The following CADM1 variants were observed in gnomAD, a reference collection of about 807,000 sequenced individuals.
The protein encoded by CADM1 is TSLC-1.
In CADM1, 15 loss-of-function variants were observed where a neutral mutation model predicts 53.1. That is an observed-to-expected ratio of 0.28 (90% confidence interval 0.19 to 0.44). The LOEUF is 0.44. Among genes scored for constraint, CADM1 ranks in the 20% least tolerant of loss-of-function variants. The probability of loss-of-function intolerance (pLI) is 1.00; values close to 1 mark genes in which losing one functional copy is unlikely to be tolerated. For missense variants in CADM1, 434 were observed against 611.3 expected, an observed-to-expected ratio of 0.71 and a Z score of 3.06; for synonymous variants, 281 against 243.0, an observed-to-expected ratio of 1.16 and a Z score of -1.45.
chr11:115,221,975 C>G (rs1941424249), intron 5 of CADM1, among the ~76,000 whole-genome samples: 1 of 152,124 alleles, frequency 6.6e-6, no homozygotes, highest in South Asian at 2.1e-4. Flanking sequence ...CAACTAGGTC[C>G]AGGGGCTTGA....
chr11:115,488,635 T>C (rs1949429236), intron 1 of CADM1, among the ~76,000 whole-genome samples: 2 of 152,244 alleles, frequency 1.3e-5, no homozygotes, highest in Non-Finnish European at 2.9e-5. Context: ...ATACTCTCTC[T>C]GCCTACACAT....
intron 1 of CADM1, among the ~76,000 whole-genome samples, chr11:115,289,135 C>T (rs747088626): frequency 6.6e-5 from 10 of 152,116 alleles, no homozygotes; most frequent in Non-Finnish European, 1.3e-4. Context: ...GAGGCCGAGG[C>T]GGGCAGATCA....
At chr11:115,272,863 A>T (rs1220237897) in intron 1 of CADM1, among the ~76,000 whole-genome samples, 3 of 152,046 alleles carry the variant, frequency 2.0e-5, no homozygotes, top group Non-Finnish European at 4.4e-5. Flanking sequence ...ACTAACCTGC[A>T]CAATGTGCAC....
At chr11:115,327,277 G>T (rs72996052) in intron 1 of CADM1, among the ~76,000 whole-genome samples, 1 of 151,830 alleles carries the variant, frequency 6.6e-6, no homozygotes, top group Non-Finnish European at 1.5e-5. Flanking sequence ...CAGGAATTTC[G>T]ACCCAAGCCT....
chr11:115,209,706 A>G, intron 7 of CADM1, 49 bp from the exon 8 acceptor site: 1 of 1,601,502 alleles, frequency 6.2e-7, no homozygotes, highest in Non-Finnish European at 8.5e-7. Context: ...TGAACACAAC[A>G]ATGACCAGTA....
chr11:115,335,471 A>G (rs987019827), intron 1 of CADM1, among the ~76,000 whole-genome samples: 1 of 152,140 alleles, frequency 6.6e-6, no homozygotes, highest in Non-Finnish European at 1.5e-5. Flanking sequence ...ATATAGTTGT[A>G]AAAGGAAAAG....
intron 5 of CADM1, among the ~76,000 whole-genome samples, 175 bp downstream of exon 5, chr11:115,228,938 T>G: frequency 6.6e-6 from 1 of 152,236 alleles, no homozygotes; most frequent in Admixed American, 6.5e-5. Context: ...AAATCCTCAT[T>G]GGCACTCTGT....
At chr11:115,393,926 G>T (rs1305988696) in intron 1 of CADM1, among the ~76,000 whole-genome samples, 1 of 152,038 alleles carries the variant, frequency 6.6e-6, no homozygotes, top group Non-Finnish European at 1.5e-5. Context: ...CTATGAAAAG[G>T]CTGAATTTAT....
intron 1 of CADM1, among the ~76,000 whole-genome samples, chr11:115,334,591 C>T (rs960611237): frequency 3.3e-5 from 5 of 151,998 alleles, no homozygotes; most frequent in African/African-American, 9.7e-5. Flanking sequence ...ATAAGTTAAG[C>T]TTTATCATAG....
chr11:115,175,392 C>A lies in CADM1; in HGVS notation c.*1082G>T, dbSNP rs1036048267. ...GCACAAAGGAAAAAAAAAAAAAAAT[C>A]AACTCTGTCCCATTCAGTCATTCGC... On this transcript the variant is annotated 3_prime_UTR_variant, in exon 12 of 12. Coordinates refer to ENST00000331581, the MANE Select transcript of CADM1 (RefSeq NM_001301043.2). 115 of 936,588 alleles carry A rather than the reference C, an allele frequency of 1.2e-4. No homozygotes were observed. In the African/African-American group the frequency reaches 2.0e-3, roughly 17 times the overall value. The allele number at this position is 936,588 out of a possible 1,614,324, so 58.0% of individuals were successfully genotyped here.
intron 10 of CADM1, among the ~76,000 whole-genome samples, chr11:115,181,120 C>T (rs546028373): frequency 1.3e-4 from 19 of 145,592 alleles, no homozygotes; most frequent in African/African-American, 3.9e-4. Context: ...AATAAAAGAC[C>T]GCCTCCTCTC....
At chr11:115,500,221 T>C (rs1490723686) in intron 1 of CADM1, among the ~76,000 whole-genome samples, 1 of 152,184 alleles carries the variant, frequency 6.6e-6, no homozygotes, top group Admixed American at 6.5e-5. Context: ...CTGGTAAATT[T>C]CCATTCAAAT....
chr11:115,344,934 T>C lies in CADM1; in HGVS notation c.125-104514A>G, dbSNP rs566961888. ...AAGGTACTCTACAATTTGGCTTGAATCTTCCTTTCCAAGCCCATCTCTCAC... is the reference window on the plus strand; with the variant it reads ...AAGGTACTCTACAATTTGGCTTGAACCTTCCTTTCCAAGCCCATCTCTCAC... On this transcript the variant is annotated intron_variant, in intron 1 of 11. Transcript: ENST00000331581. Among the ~76,000 whole-genome samples, 4 of 152,304 alleles carry C rather than the reference T, an allele frequency of 2.6e-5. No homozygotes were observed. In the South Asian group the frequency reaches 8.3e-4, roughly 32 times the overall value.
intron 1 of CADM1, among the ~76,000 whole-genome samples, chr11:115,331,970 T>A (rs1399495072): frequency 6.6e-6 from 1 of 152,126 alleles, no homozygotes; most frequent in East Asian, 1.9e-4. Context: ...ATACATTTAT[T>A]GATCCAATTG....
At chr11:115,206,758 C>CTTCTTTTTTTTTTTTTTTTTTTT (rs1940706440) in intron 8 of CADM1, among the ~76,000 whole-genome samples, 1 of 38,206 alleles carries the variant, frequency 2.6e-5, no homozygotes, top group African/African-American at 9.7e-5. Flanking sequence ...CTGTGGACTT[C>CTTCTTTTTTTTTTTTTTTTTTTT]TTTTTTTTTT....
At chr11:115,195,660 A>G (rs1408869070) in intron 9 of CADM1, among the ~76,000 whole-genome samples, 1 of 152,246 alleles carries the variant, frequency 6.6e-6, no homozygotes, top group African/African-American at 2.4e-5. Flanking sequence ...ACAATTCATT[A>G]GAATAAAATC....
intron 1 of CADM1, among the ~76,000 whole-genome samples, chr11:115,410,614 C>T (rs1489873284): frequency 1.3e-5 from 2 of 151,408 alleles, no homozygotes; most frequent in South Asian, 4.2e-4. Context: ...ATACAGATGA[C>T]GGCAAAAAAA....
chr11:115,462,247 A>G (rs766112398), intron 1 of CADM1, among the ~76,000 whole-genome samples: 5 of 152,214 alleles, frequency 3.3e-5, no homozygotes, highest in African/African-American at 7.2e-5. Flanking sequence ...AGCGGCAATT[A>G]AATCGTGATC....
chr11:115,404,346 AATATATATATATATATATATATATATAT>A (rs869231204), intron 1 of CADM1, among the ~76,000 whole-genome samples: 1 of 33,792 alleles, frequency 3.0e-5, no homozygotes. Context: ...AAAAAAAAAA[AATATATATATATATATATATATATATAT>A]ATATATATAT....
Sources: allele counts gnomAD v4.1 joint callset (sites outside exome capture counted in the v4.1 genomes callset), GRCh38; gene constraint gnomAD v4.1.1; transcripts MANE v1.5; gene names NCBI Gene and HGNC (gene_info 2026-07-23, HGNC 2026-07-21).